The following CRACD variants were observed in gnomAD, a reference collection of about 807,000 sequenced individuals.
CRACD encodes capping protein-inhibiting regulator of actin dynamics.
Under a neutral mutation model 106.8 loss-of-function variants are expected in CRACD, and 56 were observed. The observed-to-expected ratio is 0.52, with a 90% CI of 0.42 to 0.66. CRACD has a LOEUF of 0.66. Ranked by LOEUF, CRACD falls within the 30% of genes least tolerant of loss-of-function variation. The pLI is 0.00. For synonymous variants in CRACD, 754 were observed against 670.8 expected (o/e 1.12, Z -1.92); for missense variants, 1,730 against 1,623.2 (o/e 1.07, Z -1.13).
intron 1 of CRACD, among the ~76,000 whole-genome samples, chr4:56,145,619 T>C (rs1432696477): frequency 6.6e-6 from 1 of 152,034 alleles, no homozygotes; most frequent in African/African-American, 2.4e-5. Flanking sequence ...TTTCTTTTCA[T>C]TTTTTTCTTT....
In CRACD at chr4:56,086,529, A is replaced by C. The variant is rs188924824; in HGVS notation, c.-336+37230A>C. ...GAAGTGTCCCCTTAGCTCATGTTGG[A>C]ATATGCTGACATTTTTGTTCCTGAG... On this transcript the variant is annotated intron_variant, in intron 1 of 10. Transcript: ENST00000682029. Among the ~76,000 whole-genome samples the C allele has an allele frequency of 2.0e-5, 3 of 152,194 alleles. No homozygotes were observed. In the East Asian group the frequency reaches 5.8e-4, roughly 29 times the overall value.
intron 2 of CRACD, among the ~76,000 whole-genome samples, chr4:56,185,821 T>G (rs78384288): frequency 0.013 from 1,980 of 152,308 alleles, 35 homozygotes; most frequent in African/African-American, 0.045. Flanking sequence ...GTTTATCCCA[T>G]CATCCAGATG....
At chr4:56,081,799 A>AACC (rs1345127523) in intron 1 of CRACD, among the ~76,000 whole-genome samples, 1 of 151,992 alleles carries the variant, frequency 6.6e-6, no homozygotes, top group Non-Finnish European at 1.5e-5. Flanking sequence ...AACATGGCGA[A>AACC]ACCCCATCTC....
intron 1 of CRACD, among the ~76,000 whole-genome samples, chr4:56,059,172 G>A (rs1351113726): frequency 6.6e-6 from 1 of 152,096 alleles, no homozygotes; most frequent in South Asian, 2.1e-4. Context: ...GCTTGGTGGC[G>A]CCTGTCTGTA....
chr4:56,056,988 GT>G (rs1478590023), intron 1 of CRACD, among the ~76,000 whole-genome samples: 1 of 152,174 alleles, frequency 6.6e-6, no homozygotes, highest in Non-Finnish European at 1.5e-5. Flanking sequence ...GTCATTAATA[GT>G]TTTTTAATGT....
chr4:56,269,569 T>TC (rs1304743113), intron 2 of CRACD, among the ~76,000 whole-genome samples: 1 of 144,484 alleles, frequency 6.9e-6, no homozygotes, highest in Non-Finnish European at 1.5e-5. Flanking sequence ...ACACTTTTTT[T>TC]TTTTTTTTTT....
chr4:56,223,621 A>G (rs1399622285), intron 2 of CRACD, among the ~76,000 whole-genome samples: 5 of 152,116 alleles, frequency 3.3e-5, no homozygotes, highest in Non-Finnish European at 7.4e-5. Flanking sequence ...GTCTTTCTCC[A>G]CTGACTTAAA....
intron 2 of CRACD, among the ~76,000 whole-genome samples, chr4:56,198,024 C>T (rs956430617): frequency 2.0e-5 from 3 of 152,064 alleles, no homozygotes; most frequent in African/African-American, 7.2e-5. Flanking sequence ...TTTCTTGATT[C>T]TGTGACTTCT....
At chr4:56,174,469 ACTAT>A (rs1171512696) in intron 1 of CRACD, among the ~76,000 whole-genome samples, 1 of 152,190 alleles carries the variant, frequency 6.6e-6, no homozygotes, top group Non-Finnish European at 1.5e-5. Context: ...GCCTCTGGTA[ACTAT>A]CATTCTACTC....
intron 1 of CRACD, among the ~76,000 whole-genome samples, chr4:56,175,372 G>A (rs1354553465): frequency 6.6e-6 from 1 of 152,102 alleles, no homozygotes; most frequent in Non-Finnish European, 1.5e-5. Flanking sequence ...AATTTTAACT[G>A]GTGTGAGATA....
At chr4:56,298,103 C>A (rs765216340) in intron 3 of CRACD, 111 bp from the exon 4 acceptor site, 14 of 1,232,524 alleles carry the variant, frequency 1.1e-5, no homozygotes, top group Non-Finnish European at 1.6e-5. Context: ...AAGTGCTTGC[C>A]GAATGAGACT....
intron 1 of CRACD, among the ~76,000 whole-genome samples, chr4:56,174,616 A>AT (rs962169253): frequency 6.6e-6 from 1 of 152,192 alleles, no homozygotes; most frequent in African/African-American, 2.4e-5. Flanking sequence ...ACAGGATTTC[A>AT]TTTTTTATGG....
rs1348711120 is a variant in CRACD at position 56,115,423 on chromosome 4, A to T, written c.-335-63861A>T. ...TGGAAATAATTGCTGCCCTTGTCTT[A>T]TTAGAAAAATATAATCATATAGGTG... On this transcript the variant is annotated intron_variant, in intron 1 of 10. Coordinates refer to ENST00000682029, the MANE Select transcript of CRACD (RefSeq NM_001393381.1). Among the ~76,000 whole-genome samples, 8 of 152,270 alleles carry T rather than the reference A, an allele frequency of 5.3e-5. No individual in the cohort carries two copies. In the East Asian group the frequency reaches 1.5e-3, roughly 29 times the overall value.
At chr4:56,173,974 G>A (rs1281666801) in intron 1 of CRACD, among the ~76,000 whole-genome samples, 1 of 152,118 alleles carries the variant, frequency 6.6e-6, no homozygotes, top group Non-Finnish European at 1.5e-5. Flanking sequence ...CCTAATGGTT[G>A]AGCAACTTGT....
intron 2 of CRACD, among the ~76,000 whole-genome samples, chr4:56,211,603 G>A (rs545406439): frequency 6.6e-6 from 1 of 152,332 alleles, no homozygotes; most frequent in East Asian, 1.9e-4. Context: ...GCGGAGAGGG[G>A]ATGTGCAGGG....
At chr4:56,308,208 T>A (rs1179675158) in intron 5 of CRACD, among the ~76,000 whole-genome samples, 1 of 151,850 alleles carries the variant, frequency 6.6e-6, no homozygotes, top group Non-Finnish European at 1.5e-5. Flanking sequence ...TAAAGGGAAA[T>A]GAAAAAAGAA....
chr4:56,059,963 T>A (rs370875996), intron 1 of CRACD, among the ~76,000 whole-genome samples: 1 of 152,164 alleles, frequency 6.6e-6, no homozygotes, highest in East Asian at 1.9e-4. Context: ...GGATTACAGG[T>A]GTGAGCCACT....
At chr4:56,142,231 A>G (rs1735228844) in intron 1 of CRACD, among the ~76,000 whole-genome samples, 1 of 152,164 alleles carries the variant, frequency 6.6e-6, no homozygotes, top group South Asian at 2.1e-4. Context: ...CTAATATACC[A>G]TGGGTGTTCT....
intron 3 of CRACD, among the ~76,000 whole-genome samples, chr4:56,293,247 G>C (rs1233755602): frequency 6.6e-6 from 1 of 152,140 alleles, no homozygotes; most frequent in Non-Finnish European, 1.5e-5. Context: ...GAGGATCAGA[G>C]AGAGATTAGA....
Sources: allele counts gnomAD v4.1 joint callset (sites outside exome capture counted in the v4.1 genomes callset), GRCh38; gene constraint gnomAD v4.1.1; transcripts MANE v1.5; gene names NCBI Gene and HGNC (gene_info 2026-07-23, HGNC 2026-07-21).